Variants in H2AZ2 observed in about 807,000 individuals in gnomAD.
The protein encoded by H2AZ2 is H2A.Z variant histone 2, also known as histone H2A.V.
Under a neutral mutation model 15.5 loss-of-function variants are expected in H2AZ2, and 5 were observed. The ratio of observed to expected loss-of-function variants is 0.32; its 90% CI spans 0.17 to 0.68. H2AZ2 has a LOEUF of 0.68. H2AZ2 is among the 30% of genes least tolerant of loss of function. The probability of loss-of-function intolerance (pLI) is 0.72; values close to 1 mark genes in which losing one functional copy is unlikely to be tolerated. For synonymous variants in H2AZ2, 44 were observed against 57.4 expected, an observed-to-expected ratio of 0.77 and a Z score of 1.05; for missense variants, 42 against 162.5, an observed-to-expected ratio of 0.26 and a Z score of 4.03.
intron 3 of H2AZ2, among the ~76,000 whole-genome samples, chr7:44,838,293 C>T (rs1236142139): frequency 3.3e-5 from 5 of 151,438 alleles, no homozygotes; most frequent in East Asian, 1.9e-4. Flanking sequence ...TTTCTTAATG[C>T]TTATAGAAAA....
At chr7:44,846,062 C>CACACACACACACAGAGAGAG (rs57468916) in intron 1 of H2AZ2, among the ~76,000 whole-genome samples, 41 of 75,148 alleles carry the variant, frequency 5.5e-4, no homozygotes, top group East Asian at 4.0e-3. Flanking sequence ...CACACACACA[C>CACACACACACACAGAGAGAG]AGAGAGAGAC....
intron 3 of H2AZ2, among the ~76,000 whole-genome samples, chr7:44,838,806 A>G (rs1426404515): frequency 6.6e-6 from 1 of 152,230 alleles, no homozygotes; most frequent in Non-Finnish European, 1.5e-5. Context: ...GACAGCAATG[A>G]TAACTGACAT....
intron 2 of H2AZ2, 35 bp from the exon 3 acceptor site, chr7:44,841,047 G>A: frequency 6.9e-7 from 1 of 1,455,678 alleles, no homozygotes; most frequent in Non-Finnish European, 9.6e-7. Context: ...AAGCACTGCA[G>A]AGTCTTAACA....
At chr7:44,840,839 T>C in intron 3 of H2AZ2, 60 bp downstream of exon 3, 5 of 1,113,632 alleles carry the variant, frequency 4.5e-6, no homozygotes, top group Non-Finnish European at 6.7e-6. Context: ...CATGGGTTTC[T>C]GTCACTGAGA....
At chr7:44,842,770 G>A (rs527655115) in intron 2 of H2AZ2, among the ~76,000 whole-genome samples, 6 of 152,240 alleles carry the variant, frequency 3.9e-5, no homozygotes, top group Admixed American at 3.9e-4. Flanking sequence ...TCTGGATAAT[G>A]TTGTCCTCTG....
chr7:44,831,600 A>G (rs140295812), downstream of H2AZ2, among the ~76,000 whole-genome samples: 2,547 of 151,866 alleles, frequency 0.017, 32 homozygotes, highest in Non-Finnish European at 0.022. Flanking sequence ...CCTGACTCTC[A>G]ATACAGAAAC....
chr7:44,839,378 C>T (rs1026478783), intron 3 of H2AZ2, among the ~76,000 whole-genome samples: 1 of 151,632 alleles, frequency 6.6e-6, no homozygotes, highest in African/African-American at 2.4e-5. Flanking sequence ...CCTGTCTCCA[C>T]AAAAAAATAA....
chr7:44,837,433 G>GAAAAAAAAAAAAAAAAAAAAA (rs71011996), intron 3 of H2AZ2, among the ~76,000 whole-genome samples: 3 of 87,270 alleles, frequency 3.4e-5, no homozygotes, highest in African/African-American at 1.3e-4. Flanking sequence ...AAAAAAAAAA[G>GAAAAAAAAAAAAAAAAAAAAA]AAAAAAAAAA....
intron 1 of H2AZ2, 43 bp downstream of exon 1, chr7:44,847,926 C>T (rs1244264336): frequency 6.5e-7 from 1 of 1,529,220 alleles, no homozygotes; most frequent in Non-Finnish European, 8.7e-7. Context: ...CCGCGCTCTG[C>T]TCTCCCAGGC....
chr7:44,837,465 C>T (rs559862330), intron 3 of H2AZ2, among the ~76,000 whole-genome samples: 1 of 147,774 alleles, frequency 6.8e-6, no homozygotes, highest in Admixed American at 6.8e-5. Context: ...GTTGACTGCA[C>T]CCACACATTC....
downstream of H2AZ2, among the ~76,000 whole-genome samples, chr7:44,830,847 C>A (rs542219685): frequency 3.3e-5 from 5 of 152,170 alleles, no homozygotes; most frequent in African/African-American, 1.2e-4. Context: ...CACAAATAAA[C>A]AAACAAACAA....
chr7:44,842,592 G>A (rs1793299815), intron 2 of H2AZ2, among the ~76,000 whole-genome samples: 1 of 152,076 alleles, frequency 6.6e-6, no homozygotes, highest in South Asian at 2.1e-4. Flanking sequence ...TCCCATTCAA[G>A]TATGTTACTT....
chr7:44,834,835 G>C (rs1793079695), intron 4 of H2AZ2: 1 of 272,460 alleles, frequency 3.7e-6, no homozygotes, highest in African/African-American at 2.2e-5. Flanking sequence ...CCAATGCTGG[G>C]GTGCAGTGGT....
Position 44,834,265 on chromosome 7 carries a change from G to C in H2AZ2, c.*236C>G. 1 of 1,253,828 alleles carries C rather than the reference G, an allele frequency of 8.0e-7. No individual in the cohort carries two copies. The highest frequency in any genetic ancestry group is 1.0e-6 in the Non-Finnish European group (1 of 997,038). The allele number at this position is 1,253,828 out of a possible 1,614,324, so 77.7% of individuals were successfully genotyped here. ...AAAATGGTTTATCAATTCCATTTTT[G>C]TATAAAACACACGGGAGAAACCTAG... On this transcript the variant is annotated 3_prime_UTR_variant, in exon 5 of 5. Transcript: ENST00000308153.
chr7:44,847,651 G>A (rs928212309), intron 1 of H2AZ2, among the ~76,000 whole-genome samples: 1 of 152,192 alleles, frequency 6.6e-6, no homozygotes, highest in Admixed American at 6.5e-5. Context: ...TCCAGCACTT[G>A]TTTCTACATT....
chr7:44,848,083 C>A lies in H2AZ2; in HGVS notation c.-112G>T. Reference sequence around the variant, plus strand: ...CGCCGCCGCCGGAGCCGGACAATACCCCGTGCCCGCCTCGCGCTGCTGTGG... The same window carrying A: ...CGCCGCCGCCGGAGCCGGACAATACACCGTGCCCGCCTCGCGCTGCTGTGG... On this transcript the variant is annotated 5_prime_UTR_variant, in exon 1 of 5. Coordinates refer to ENST00000308153, the MANE Select transcript of H2AZ2 (RefSeq NM_012412.5). The A allele has an allele frequency of 1.8e-6, 1 of 552,480 alleles. No homozygotes were observed. Among genetic ancestry groups the A allele is most frequent in the Non-Finnish European group, 2.7e-6 (1 of 375,584 alleles). 34.2% of individuals were successfully genotyped at this position (552,480 alleles called of 1,614,324 possible).
At chr7:44,843,865 A>C (rs1347424118) in intron 1 of H2AZ2, among the ~76,000 whole-genome samples, 3 of 152,174 alleles carry the variant, frequency 2.0e-5, no homozygotes, top group African/African-American at 7.2e-5. Context: ...GCTGAAAAAT[A>C]TGAGATTTTT....
intron 3 of H2AZ2, among the ~76,000 whole-genome samples, chr7:44,840,190 G>C (rs1191174405): frequency 6.6e-6 from 1 of 151,858 alleles, no homozygotes; most frequent in Non-Finnish European, 1.5e-5. Context: ...GTGAGACCCA[G>C]TCTCAAAATA....
At chr7:44,835,372 C>A in intron 4 of H2AZ2, 157 bp downstream of exon 4, 1 of 515,728 alleles carries the variant, frequency 1.9e-6, no homozygotes, top group Non-Finnish European at 3.2e-6. Context: ...TTATTCAGAT[C>A]ATTATGAAAA....
Sources: gnomAD v4.1 joint callset for allele counts (sites outside exome capture counted in the v4.1 genomes callset) on GRCh38, gnomAD v4.1.1 for gene constraint, MANE v1.5 for transcripts, NCBI Gene and HGNC (gene_info 2026-07-23, HGNC 2026-07-21) for gene names.